Variants in SLC25A48 observed in about 807,000 individuals in gnomAD.
The protein encoded by SLC25A48 is solute carrier family 25 member 48, also known as CTC-321K16.1.
A neutral mutation model predicts 32.2 loss-of-function variants in SLC25A48; 29 were observed. That is an observed-to-expected ratio of 0.90 (90% CI 0.67 to 1.23). SLC25A48 has a LOEUF of 1.23. Among genes scored for constraint, SLC25A48 ranks in the 50% most tolerant of loss-of-function variants. SLC25A48 has a pLI of 0.00. For synonymous variants in SLC25A48, 164 were observed against 172.3 expected (o/e 0.95, Z 0.38); for missense variants, 399 against 422.7 (o/e 0.94, Z 0.49).
At chr5:135,877,235 T>A (rs1236984512) in intron 6 of SLC25A48, among the ~76,000 whole-genome samples, 1 of 152,164 alleles carries the variant, frequency 6.6e-6, no homozygotes. Context: ...TTGGGCTACA[T>A]GGACCATAGC....
chr5:135,865,509 T>A (rs1761120462), intron 4 of SLC25A48, among the ~76,000 whole-genome samples: 1 of 152,226 alleles, frequency 6.6e-6, no homozygotes, highest in South Asian at 2.1e-4. Flanking sequence ...ATCTAAAGCC[T>A]CTGACCCAAG....
intron 3 of SLC25A48, among the ~76,000 whole-genome samples, chr5:135,780,366 G>A (rs4368723): frequency 0.51 from 58,670 of 114,360 alleles, 22,405 homozygotes; most frequent in Middle Eastern, 0.69. Flanking sequence ...GATTACAGGC[G>A]TGAGCCACCG....
chr5:135,742,485 G>T, intron 3 of SLC25A48: 1 of 1,578,966 alleles, frequency 6.3e-7, no homozygotes, highest in South Asian at 1.2e-5. Flanking sequence ...GCTAGGCCAT[G>T]GGCAAGGTGG....
chr5:135,641,917 G>A (rs951177284), intron 3 of SLC25A48, among the ~76,000 whole-genome samples: 1 of 152,152 alleles, frequency 6.6e-6, no homozygotes, highest in African/African-American at 2.4e-5. Flanking sequence ...TGAAAATGCT[G>A]GGCATTTCAT....
intron 3 of SLC25A48, among the ~76,000 whole-genome samples, chr5:135,647,106 C>T (rs1321150983): frequency 6.6e-6 from 1 of 151,768 alleles, no homozygotes; most frequent in Non-Finnish European, 1.5e-5. Flanking sequence ...ACGTCATGTT[C>T]TGCACCAAAA....
chr5:135,871,853 G>A (rs1761680802), intron 5 of SLC25A48, 135 bp downstream of exon 5: 1 of 1,532,162 alleles, frequency 6.5e-7, no homozygotes, highest in Middle Eastern at 1.8e-4. Flanking sequence ...TTCTTTGTTA[G>A]GTACCTACTC....
chr5:135,883,224 G>C, intron 7 of SLC25A48: 1 of 985,406 alleles, frequency 1.0e-6, no homozygotes, highest in Non-Finnish European at 1.2e-6. Context: ...TCCCCACCCC[G>C]GCTGGGGCAG....
chr5:135,838,796 G>A (rs1172152637), intron 1 of SLC25A48, among the ~76,000 whole-genome samples: 1 of 152,266 alleles, frequency 6.6e-6, no homozygotes, highest in African/African-American at 2.4e-5. Flanking sequence ...AGATTTCAGA[G>A]GATGTATGAA....
At chr5:135,787,608 A>T (rs1756881773) in intron 3 of SLC25A48, among the ~76,000 whole-genome samples, 1 of 151,936 alleles carries the variant, frequency 6.6e-6, no homozygotes, top group East Asian at 1.9e-4. Context: ...GGGGGATGTT[A>T]CTTTTAATTT....
chr5:135,838,549 T>C (rs6877013), intron 1 of SLC25A48, among the ~76,000 whole-genome samples: 28,397 of 152,098 alleles, frequency 0.19, 2,795 homozygotes, highest in Middle Eastern at 0.25. Context: ...CATCACAGAC[T>C]CAGAGGCCTA....
intron 3 of SLC25A48, among the ~76,000 whole-genome samples, chr5:135,640,118 T>C (rs1052224593): frequency 1.3e-5 from 2 of 152,034 alleles, no homozygotes; most frequent in Non-Finnish European, 2.9e-5. Context: ...AAGCACAATA[T>C]CTAAAATGAA....
chr5:135,589,628 T>C (rs1561747741), intron 1 of SLC25A48, among the ~76,000 whole-genome samples: 1 of 152,238 alleles, frequency 6.6e-6, no homozygotes, highest in Non-Finnish European at 1.5e-5. Context: ...GAATTTGGGA[T>C]GTCCCATGTA....
chr5:135,774,430 T>A (rs548921071), intron 3 of SLC25A48, among the ~76,000 whole-genome samples: 3 of 151,646 alleles, frequency 2.0e-5, no homozygotes, highest in Non-Finnish European at 4.4e-5. Context: ...TCGCAGAGGG[T>A]GTACAACCCG....
At chr5:135,825,890 G>C (rs1330885965) in intron 4 of SLC25A48, 1 of 152,190 alleles carries the variant, frequency 6.6e-6, no homozygotes, top group East Asian at 1.9e-4. Context: ...GCCCTCAGGG[G>C]CTGCCCAGGG....
chr5:135,868,915 A>C lies in SLC25A48; in HGVS notation c.422-2546A>C, dbSNP rs79452220. On this transcript the variant is annotated intron_variant, in intron 4 of 7. Coordinates refer to ENST00000681962, the MANE Select transcript of SLC25A48 (RefSeq NM_001349336.2). Reference sequence around the variant, plus strand: ...GAAAACCTTGACTCCTGGTCAGGTCACTCTTACCTGGAAATGAATGGGGCT... The same window carrying C: ...GAAAACCTTGACTCCTGGTCAGGTCCCTCTTACCTGGAAATGAATGGGGCT... 6.9e-3 allele frequency among the ~76,000 whole-genome samples: 1,055 copies of C among 152,116 alleles called. 14 individuals are homozygous for C. The highest frequency in any genetic ancestry group is 0.025 in the African/African-American group (1,025 of 41,482).
chr5:135,795,820 G>T (rs1757155094), intron 3 of SLC25A48, among the ~76,000 whole-genome samples: 1 of 151,098 alleles, frequency 6.6e-6, no homozygotes. Flanking sequence ...TAATATCCAG[G>T]GGGGAGAGGG....
chr5:135,716,757 A>G (rs1754809229), intron 3 of SLC25A48, among the ~76,000 whole-genome samples: 1 of 152,194 alleles, frequency 6.6e-6, no homozygotes, highest in South Asian at 2.1e-4. Context: ...AATTACAAAC[A>G]TAGGATTTGG....
At chr5:135,620,908 T>C (rs1752311101) in intron 1 of SLC25A48, among the ~76,000 whole-genome samples, 1 of 152,122 alleles carries the variant, frequency 6.6e-6, no homozygotes, top group African/African-American at 2.4e-5. Flanking sequence ...ATCTCTCTCT[T>C]ACCCCTTCCC....
At chr5:135,792,068 G>A (rs888578383) in intron 3 of SLC25A48, among the ~76,000 whole-genome samples, 2 of 151,684 alleles carry the variant, frequency 1.3e-5, no homozygotes, top group Admixed American at 1.3e-4. Flanking sequence ...ATTCTAAGGG[G>A]ATATTACTCC....
Sources: gnomAD v4.1 joint callset for allele counts (sites outside exome capture counted in the v4.1 genomes callset) on GRCh38, gnomAD v4.1.1 for gene constraint, MANE v1.5 for transcripts, NCBI Gene and HGNC (gene_info 2026-07-23, HGNC 2026-07-21) for gene names.